Variants in FLT3 observed in about 807,000 individuals in gnomAD.
The protein encoded by FLT3 is fms related receptor tyrosine kinase 3.
A neutral mutation model predicts 126.6 loss-of-function variants in FLT3; 46 were observed. That is an observed-to-expected ratio of 0.36 (90% CI 0.29 to 0.46). FLT3 has a LOEUF of 0.46. FLT3 is among the 20% of genes least tolerant of loss of function. FLT3 has a pLI of 1.00. For missense variants in FLT3, 1,069 were observed against 1,190.3 expected (o/e 0.90, Z 1.50); for synonymous variants, 404 against 434.4 (o/e 0.93, Z 0.87).
At chr13:28,063,183 A>T (rs564067584) in intron 2 of FLT3, among the ~76,000 whole-genome samples, 1 of 152,296 alleles carries the variant, frequency 6.6e-6, no homozygotes, top group South Asian at 2.1e-4. Context: ...GCTTTAAATA[A>T]TTGAGATATA....
chr13:28,006,435 G>A (rs754900032), intron 23 of FLT3, among the ~76,000 whole-genome samples: 2 of 152,040 alleles, frequency 1.3e-5, no homozygotes, highest in Non-Finnish European at 1.5e-5. Flanking sequence ...CTACTCATGC[G>A]TGCCTTTTGT....
intron 1 of FLT3, among the ~76,000 whole-genome samples, chr13:28,080,330 C>A (rs1290885029): frequency 6.6e-6 from 1 of 152,206 alleles, no homozygotes; most frequent in African/African-American, 2.4e-5. Context: ...TGGTGGAGAT[C>A]GCACCACTGC....
chr13:28,025,156 T>C, intron 17 of FLT3: 1 of 557,288 alleles, frequency 1.8e-6, no homozygotes, highest in Non-Finnish European at 3.2e-6. Flanking sequence ...CTGTTTTCCA[T>C]ATAGAATCTT....
intron 4 of FLT3, among the ~76,000 whole-genome samples, chr13:28,053,583 C>T (rs1013058910): frequency 5.3e-5 from 8 of 151,876 alleles, no homozygotes; most frequent in African/African-American, 1.9e-4. Flanking sequence ...GTTGATTATT[C>T]GAGGACTCTT....
At chr13:28,091,617 T>C (rs967424079) in intron 1 of FLT3, among the ~76,000 whole-genome samples, 2 of 152,020 alleles carry the variant, frequency 1.3e-5, no homozygotes, top group African/African-American at 4.8e-5. Flanking sequence ...TCTCTATAAA[T>C]TCTCATAATT....
intron 9 of FLT3, among the ~76,000 whole-genome samples, chr13:28,041,895 G>A (rs1289820763): frequency 6.6e-6 from 1 of 152,168 alleles, no homozygotes; most frequent in Non-Finnish European, 1.5e-5. Flanking sequence ...GCTCACGCCT[G>A]CAATCCCAAC....
At chr13:28,011,925 G>A (rs551731463) in intron 23 of FLT3, among the ~76,000 whole-genome samples, 1 of 152,076 alleles carries the variant, frequency 6.6e-6, no homozygotes, top group East Asian at 1.9e-4. Context: ...AGCCTCCCGA[G>A]TAGCTGGGAT....
chr13:28,081,765 GAAGAT>G (rs1325054202), intron 1 of FLT3, among the ~76,000 whole-genome samples: 1 of 151,438 alleles, frequency 6.6e-6, no homozygotes, highest in Non-Finnish European at 1.5e-5. Flanking sequence ...TTAGCTTGAG[GAAGAT>G]AAGTTCTTTT....
intron 23 of FLT3, among the ~76,000 whole-genome samples, chr13:28,011,027 T>G: frequency 7.3e-6 from 1 of 137,644 alleles, no homozygotes; most frequent in Admixed American, 7.4e-5. Context: ...AAAAGAAAAA[T>G]AGGGCCAGGT....
intron 3 of FLT3, among the ~76,000 whole-genome samples, chr13:28,060,240 CAAAAAA>C (rs71086821): frequency 7.1e-5 from 8 of 113,068 alleles, no homozygotes; most frequent in Non-Finnish European, 1.4e-4. Flanking sequence ...ACTAAAAATA[CAAAAAA>C]AAAAAAAAAA....
intron 1 of FLT3, among the ~76,000 whole-genome samples, chr13:28,091,207 CTTTTTTTT>C (rs572410744): frequency 5.2e-4 from 19 of 36,578 alleles, no homozygotes; most frequent in Non-Finnish European, 7.0e-4. Flanking sequence ...GCCCCATTTT[CTTTTTTTT>C]TTTTTTTTTT....
chr13:28,096,441 ATT>A (rs5802464), intron 1 of FLT3, among the ~76,000 whole-genome samples: 3 of 146,672 alleles, frequency 2.0e-5, no homozygotes, highest in Non-Finnish European at 3.0e-5. Context: ...GACGCATGCA[ATT>A]TTTTTTTTTT....
intron 1 of FLT3, among the ~76,000 whole-genome samples, chr13:28,097,192 A>G (rs932693672): frequency 1.3e-5 from 2 of 151,888 alleles, no homozygotes; most frequent in African/African-American, 4.8e-5. Flanking sequence ...CTCCAGCCTC[A>G]ATGACAAAGG....
rs138331200 is a variant in FLT3, at chr13:28,050,182, T to C, written c.655A>G (p.Lys219Glu). ...ESPAVVKKEE[K>E]VLHELFGTDI... is the part of the protein sequence containing the mutation. ...GTCCCAAATAATTCATGAAGCACTTTTTCCTCCTTTTTAACAACAGCTGGA... is the reference window on the plus strand; with the variant it reads ...GTCCCAAATAATTCATGAAGCACTTCTTCCTCCTTTTTAACAACAGCTGGA... The change falls in exon 6 of 24, where the codon AAA (lysine) becomes GAA (glutamate). Residue 219 changes from lysine (K) to glutamate (E), a missense_variant. Lys to Glu is a moderately conservative substitution (Grantham distance 56, BLOSUM62 1). Coordinates refer to ENST00000241453, the MANE Select transcript of FLT3 (RefSeq NM_004119.3). The C allele has an allele frequency of 1.2e-6, 2 of 1,614,118 alleles. No individual in the cohort carries two copies. The highest frequency in any genetic ancestry group is 1.7e-6 in the Non-Finnish European group (2 of 1,179,948).
intron 2 of FLT3, among the ~76,000 whole-genome samples, chr13:28,062,386 A>C (rs1024381682): frequency 6.6e-6 from 1 of 152,128 alleles, no homozygotes; most frequent in East Asian, 1.9e-4. Context: ...TGGTCTTTAC[A>C]GTGGTAATCA....
chr13:28,052,749 T>C (rs1298394715), intron 4 of FLT3, 75 bp from the exon 5 acceptor site: 8 of 1,052,896 alleles, frequency 7.6e-6, no homozygotes, highest in African/African-American at 1.6e-5. Context: ...AAAAGGATTC[T>C]ATGTCATTAT....
chr13:28,089,738 C>CTT (rs56030894), intron 1 of FLT3, among the ~76,000 whole-genome samples: 22 of 143,964 alleles, frequency 1.5e-4, no homozygotes, highest in Non-Finnish European at 3.0e-4. Flanking sequence ...CATGAGGGAA[C>CTT]TTTTTTTTTT....
Position 28,037,298 on chromosome 13 carries a change from A to G in FLT3, c.1206-10T>C. The G allele has an allele frequency of 1.3e-6, 2 of 1,527,448 alleles. No individual in the cohort carries two copies. Among genetic ancestry groups the G allele is most frequent in the Non-Finnish European group, 1.8e-6 (2 of 1,101,792 alleles). The allele number at this position is 1,527,448 out of a possible 1,614,324, so 94.6% of individuals were successfully genotyped here. ...GCAAAACTTGGATATGCTGTTTGAA[A>G]AAGAATTAAAGACAGATTTAGCCCA... On this transcript the variant is annotated splice_polypyrimidine_tract_variant and intron_variant, in intron 9 of 23. Transcript: ENST00000241453.
chr13:28,036,148 A>G (rs1336174915), intron 10 of FLT3, 105 bp from the exon 11 acceptor site: 1 of 887,084 alleles, frequency 1.1e-6, no homozygotes, highest in African/African-American at 1.6e-5. Flanking sequence ...ACTTGGGCCA[A>G]GGAGTTCAAG....
Sources: gnomAD v4.1 joint callset for allele counts (sites outside exome capture counted in the v4.1 genomes callset) on GRCh38, gnomAD v4.1.1 for gene constraint, MANE v1.5 for transcripts, NCBI Gene and HGNC (gene_info 2026-07-23, HGNC 2026-07-21) for gene names.